Variants in DNAJC6 observed in about 807,000 individuals in gnomAD.
DNAJC6 encodes DnaJ heat shock protein family (Hsp40) member C6.
In DNAJC6, 34 loss-of-function variants were observed where a neutral mutation model predicts 110.0. The ratio of observed to expected loss-of-function variants is 0.31; its 90% CI spans 0.24 to 0.41. DNAJC6 has a LOEUF of 0.41. DNAJC6 is among the 10% of genes least tolerant of loss of function. The probability of loss-of-function intolerance (pLI) is 1.00; values close to 1 mark genes in which losing one functional copy is unlikely to be tolerated. For missense variants in DNAJC6, 1,031 were observed against 1,207.8 expected, an observed-to-expected ratio of 0.85 and a Z score of 2.17; for synonymous variants, 406 against 437.2, an observed-to-expected ratio of 0.93 and a Z score of 0.89.
At chr1:65,364,850 T>C (rs571244899) in intron 2 of DNAJC6, 65 bp downstream of exon 2, 1 of 1,581,458 alleles carries the variant, frequency 6.3e-7, no homozygotes, top group East Asian at 2.2e-5. Flanking sequence ...GGTTACCTGC[T>C]GACTGCTTGT....
At chr1:65,317,562 G>A (rs61779351) in intron 1 of DNAJC6, among the ~76,000 whole-genome samples, 1,675 of 152,252 alleles carry the variant, frequency 0.011, 18 homozygotes, top group African/African-American at 0.022. Context: ...TATTAACAGC[G>A]CAAATGTCAC....
At chr1:65,311,014 TCCTTGGG>T in intron 1 of DNAJC6, among the ~76,000 whole-genome samples, 1 of 152,152 alleles carries the variant, frequency 6.6e-6, no homozygotes, top group East Asian at 1.9e-4. Context: ...GTAATGGCTG[TCCTTGGG>T]CTATTATTTT....
At position 65,313,625 on chromosome 1, in the gene DNAJC6, A is replaced by G. The variant is rs144511337; in HGVS notation, c.193+3687A>G. On this transcript the variant is annotated intron_variant, in intron 1 of 18. Transcript: ENST00000371069. ...TGAACTAAACTTTTGGGTAGACACA[A>G]TATCAACTGATTGTTGAAATGGAAA... is the stretch of plus-strand genomic sequence containing the variant. Among the ~76,000 whole-genome samples the G allele has an allele frequency of 1.8e-4, 28 of 152,310 alleles. No homozygotes were observed. In the East Asian group the frequency reaches 5.4e-3, roughly 29 times the overall value.
At chr1:65,385,966 G>T in intron 7 of DNAJC6, 60 bp downstream of exon 7, 1 of 1,388,566 alleles carries the variant, frequency 7.2e-7, no homozygotes, top group Non-Finnish European at 9.8e-7. Context: ...AAATGAGCAG[G>T]AATGAGTTGA....
intron 1 of DNAJC6, among the ~76,000 whole-genome samples, chr1:65,316,311 C>T (rs1376423088): frequency 6.6e-6 from 1 of 152,186 alleles, no homozygotes; most frequent in Non-Finnish European, 1.5e-5. Context: ...ATCCCATAGA[C>T]CCCTGGACAC....
intron 1 of DNAJC6, among the ~76,000 whole-genome samples, chr1:65,271,160 G>C (rs1045695864): frequency 2.3e-4 from 30 of 128,320 alleles, no homozygotes; most frequent in Admixed American, 6.3e-4. Context: ...ATATTTATGG[G>C]GTACAATGTG....
chr1:65,352,885 G>A (rs536566869), intron 1 of DNAJC6, among the ~76,000 whole-genome samples: 36 of 152,172 alleles, frequency 2.4e-4, no homozygotes, highest in Admixed American at 2.0e-3. Context: ...CTGTATATGG[G>A]GGGTTGTTTG....
intron 1 of DNAJC6, among the ~76,000 whole-genome samples, chr1:65,303,835 A>T (rs1345541466): frequency 6.6e-6 from 1 of 152,138 alleles, no homozygotes; most frequent in African/African-American, 2.4e-5. Context: ...TCAGCCTCCC[A>T]AAGTGCAATT....
intron 1 of DNAJC6, among the ~76,000 whole-genome samples, chr1:65,270,361 A>G (rs1557491103): frequency 1.3e-5 from 2 of 152,154 alleles, no homozygotes; most frequent in Non-Finnish European, 2.9e-5. Context: ...TCATTTTGAG[A>G]TACTAAACAA....
rs745312421 is a variant in DNAJC6 at position 65,389,567 on chromosome 1, C to A, written c.1408C>A (p.Pro470Thr). ...TGCAGGACAGGCTCCAATAGATATC[C>A]CTCCAGACAACCCCAGGCATTACGG... Reference protein sequence around the residue: ...ALGGQAPIDIPPDNPRHYGQS... With the variant: ...ALGGQAPIDITPDNPRHYGQS... Residue 470 changes from proline to threonine, a missense_variant, in exon 11 of 19, where the codon CCT becomes ACT. Coordinates refer to ENST00000371069, the MANE Select transcript of DNAJC6 (RefSeq NM_001256864.2). 1.2e-6 allele frequency: 2 copies of A among 1,614,156 alleles called. No homozygotes were observed. Among genetic ancestry groups the A allele is most frequent in the Non-Finnish European group, 1.7e-6 (2 of 1,180,020 alleles).
intron 5 of DNAJC6, 144 bp from the exon 6 acceptor site, chr1:65,384,049 A>T (rs1645847468): frequency 9.1e-7 from 1 of 1,098,120 alleles, no homozygotes; most frequent in African/African-American, 1.6e-5. Context: ...TTTGGTTTTC[A>T]AGTGAATAAT....
intron 1 of DNAJC6, among the ~76,000 whole-genome samples, chr1:65,332,164 G>A (rs2101456601): frequency 6.6e-6 from 1 of 152,148 alleles, no homozygotes; most frequent in Admixed American, 6.5e-5. Flanking sequence ...CTATAAATAT[G>A]GCAGATGGAT....
At chr1:65,352,071 A>G in intron 1 of DNAJC6, among the ~76,000 whole-genome samples, 1 of 152,242 alleles carries the variant, frequency 6.6e-6, no homozygotes, top group Admixed American at 6.5e-5. Context: ...CGGCCTTATA[A>G]ACATTTTCAA....
At chr1:65,389,870 G>A (rs1444996029) in intron 11 of DNAJC6, among the ~76,000 whole-genome samples, 1 of 152,116 alleles carries the variant, frequency 6.6e-6, no homozygotes, top group African/African-American at 2.4e-5. Context: ...AAAATTAGGT[G>A]GGAGTGGTGG....
rs201119437 is a variant in DNAJC6, at chr1:65,365,958, A to T, written c.394+24A>T. On this transcript the variant is annotated intron_variant, in intron 3 of 18. Coordinates refer to ENST00000371069, the MANE Select transcript of DNAJC6 (RefSeq NM_001256864.2). The stretch of plus-strand genomic sequence containing the variant: ...TGGTAAGTTTCTCATGTTTATTAAC[A>T]GTCCTTTGGCTCAGTTTCCCGTTGC... The T allele has an allele frequency of 1.2e-5, 20 of 1,613,276 alleles. No homozygotes were observed. In the Admixed American group the frequency reaches 2.7e-4, roughly 22 times the overall value.
At chr1:65,375,506 A>C (rs1645753258) in intron 4 of DNAJC6, among the ~76,000 whole-genome samples, 1 of 151,720 alleles carries the variant, frequency 6.6e-6, no homozygotes, top group South Asian at 2.1e-4. Flanking sequence ...GCTCACTGCA[A>C]GCTCCGCCTC....
At chr1:65,336,283 C>A (rs1645335950) in intron 1 of DNAJC6, among the ~76,000 whole-genome samples, 1 of 151,992 alleles carries the variant, frequency 6.6e-6, no homozygotes. Flanking sequence ...GAGAACTCAC[C>A]ACTATCACGA....
Position 65,389,355 on chromosome 1 carries a change from A to C in DNAJC6, c.1293A>C (p.Leu431Phe), listed in dbSNP as rs1282980416. Residue 431 changes from leucine to phenylalanine, a missense_variant, in exon 10 of 19, where the codon TTA becomes TTC. Physicochemically the swap from Leu to Phe is conservative, Grantham distance 22. Transcript: ENST00000371069. ...ELQPHDKVID[L>F]TPPWEHYCTK... Reference sequence around the variant, plus strand: ...AGCCCCATGACAAAGTAATAGACTTAACTCCACCATGGGAACATTACTGCA... The same window carrying C: ...AGCCCCATGACAAAGTAATAGACTTCACTCCACCATGGGAACATTACTGCA... 6.2e-7 allele frequency: 1 copy of C among 1,614,186 alleles called. No homozygotes were observed. Among genetic ancestry groups the C allele is most frequent in the Non-Finnish European group, 8.5e-7 (1 of 1,180,016 alleles).
At chr1:65,366,636 T>G (rs1645649323) in intron 4 of DNAJC6, among the ~76,000 whole-genome samples, 1 of 152,192 alleles carries the variant, frequency 6.6e-6, no homozygotes, top group South Asian at 2.1e-4. Flanking sequence ...CGTGTTTCCA[T>G]TAATATATTT....
Sources: allele counts gnomAD v4.1 joint callset (sites outside exome capture counted in the v4.1 genomes callset), GRCh38; gene constraint gnomAD v4.1.1; transcripts MANE v1.5; gene names NCBI Gene and HGNC (gene_info 2026-07-23, HGNC 2026-07-21).